RO60: variants seen among roughly 807,000 people sequenced by gnomAD.
RO60 encodes RNA-binding protein RO60.
Under a neutral mutation model 55.3 loss-of-function variants are expected in RO60, and 20 were observed. That is an observed-to-expected ratio of 0.36 (90% CI 0.25 to 0.53). RO60 has a LOEUF of 0.53. RO60 is among the 20% of genes least tolerant of loss of function. The pLI is 0.92. For missense variants in RO60, 558 were observed against 646.6 expected, an observed-to-expected ratio of 0.86 and a Z score of 1.49; for synonymous variants, 213 against 213.6, an observed-to-expected ratio of 1.00 and a Z score of 0.02.
rs1363237188 is a variant in RO60, at chr1:193,087,172, C to A, written c.*2441C>A. 6.6e-6 allele frequency: 1 copy of A among 152,040 alleles called. No homozygotes were observed. Among genetic ancestry groups the A allele is most frequent in the East Asian group, 1.9e-4 (1 of 5,192 alleles). 9.4% of individuals were successfully genotyped at this position (152,040 alleles called of 1,614,324 possible). On this transcript the variant is annotated 3_prime_UTR_variant, in exon 9 of 9. Transcript: ENST00000400968. ...GTATAATCTTGTAATTCATAGGAAT[C>A]CTCAAGCACAATTAACCTGTGTTGC...
chr1:193,072,068 A>C (rs918759292), intron 2 of RO60, among the ~76,000 whole-genome samples: 2 of 152,072 alleles, frequency 1.3e-5, no homozygotes, highest in South Asian at 4.1e-4. Context: ...CAATGGCACA[A>C]TCTAGGCTCA....
chr1:193,062,057 T>A, intron 1 of RO60, among the ~76,000 whole-genome samples: 1 of 152,132 alleles, frequency 6.6e-6, no homozygotes, highest in East Asian at 1.9e-4. Flanking sequence ...GAACTTAATT[T>A]ATAGAGATTT....
chr1:193,067,486 A>G (rs553695229), intron 1 of RO60, among the ~76,000 whole-genome samples: 1 of 151,556 alleles, frequency 6.6e-6, no homozygotes, highest in Non-Finnish European at 1.5e-5. Flanking sequence ...TGCCCGGCCC[A>G]AATTTTTTTT....
chr1:193,074,998 T>A (rs1250860872), intron 2 of RO60, among the ~76,000 whole-genome samples: 1 of 152,000 alleles, frequency 6.6e-6, no homozygotes, highest in Admixed American at 6.6e-5. Flanking sequence ...TGACCTCAGG[T>A]GATCCACACT....
Position 193,087,788 on chromosome 1 carries a change from C to T in RO60, c.*3057C>T, listed in dbSNP as rs182714337. On this transcript the variant is annotated 3_prime_UTR_variant, in exon 9 of 9. Coordinates refer to ENST00000400968, the MANE Select transcript of RO60 (RefSeq NM_001173524.2). Reference sequence around the variant, plus strand: ...TAAAAACATTCTTGTTAATAAGATACGTATTTCAAAAGATAAAATGTTTTA... The same window carrying T: ...TAAAAACATTCTTGTTAATAAGATATGTATTTCAAAAGATAAAATGTTTTA... The T allele has an allele frequency of 1.5e-4, 22 of 151,354 alleles. No homozygotes were observed. In the East Asian group the frequency reaches 1.9e-3, roughly 13 times the overall value. 9.4% of individuals were successfully genotyped at this position (151,354 alleles called of 1,614,324 possible). A position where few individuals can be genotyped will look rare whatever the true frequency, so the allele number is the denominator to read the frequency against.
chr1:193,078,026 T>G (rs1674050097), intron 5 of RO60, among the ~76,000 whole-genome samples: 2 of 152,016 alleles, frequency 1.3e-5, no homozygotes, highest in African/African-American at 4.8e-5. Context: ...GCAACCAAAG[T>G]CAGCAGCAAA....
intron 1 of RO60, among the ~76,000 whole-genome samples, chr1:193,065,807 A>G (rs1229206486): frequency 6.6e-6 from 1 of 152,146 alleles, no homozygotes; most frequent in African/African-American, 2.4e-5. Context: ...GCCACCTGAG[A>G]CCTAGGCTTC....
At position 193,091,015 on chromosome 1, in the gene RO60, A is replaced by G. The variant is rs1674836392; in HGVS notation, c.*6284A>G. On this transcript the variant is annotated 3_prime_UTR_variant, in exon 9 of 9. Transcript: ENST00000400968. ...ACATACATGACTGTTAACATCAGTAATATTTTATGATAGTTTAAGGTTTTT... is the reference window on the plus strand; with the variant it reads ...ACATACATGACTGTTAACATCAGTAGTATTTTATGATAGTTTAAGGTTTTT... The G allele has an allele frequency of 6.6e-6, 1 of 152,276 alleles. No individual in the cohort carries two copies. The highest frequency in any genetic ancestry group is 2.4e-5 in the African/African-American group (1 of 41,470). The allele number at this position is 152,276 out of a possible 1,614,324, so 9.4% of individuals were successfully genotyped here. A position where few individuals can be genotyped will look rare whatever the true frequency, so the allele number is the denominator to read the frequency against.
At chr1:193,079,892 C>T (rs888327635) in intron 5 of RO60, among the ~76,000 whole-genome samples, 2 of 150,854 alleles carry the variant, frequency 1.3e-5, no homozygotes, top group Non-Finnish European at 2.9e-5. Flanking sequence ...TTTGGGAGGC[C>T]GATAAGGGTT....
chr1:193,083,141 A>G (rs975421832), intron 8 of RO60, among the ~76,000 whole-genome samples: 2 of 152,226 alleles, frequency 1.3e-5, no homozygotes, highest in Non-Finnish European at 2.9e-5. Flanking sequence ...TTATAGACTC[A>G]GCAGTACTTA....
At chr1:193,060,181 G>C in intron 1 of RO60, 1 of 1,066,736 alleles carries the variant, frequency 9.4e-7, no homozygotes, top group Non-Finnish European at 1.2e-6. Flanking sequence ...TGGGAAGACA[G>C]GGTGAATTTA....
chr1:193,067,059 T>G (rs2103026953), intron 1 of RO60, among the ~76,000 whole-genome samples: 1 of 152,258 alleles, frequency 6.6e-6, no homozygotes, highest in East Asian at 1.9e-4. Context: ...TATTATTTTA[T>G]ACTCCCTTGC....
rs1674310586 is a variant in RO60, at chr1:193,081,479, T to C, written c.1202T>C (p.Met401Thr). The C allele has an allele frequency of 6.3e-7, 1 of 1,579,264 alleles. No homozygotes were observed. Among genetic ancestry groups the C allele is most frequent in the South Asian group, 1.1e-5 (1 of 88,308 alleles). ...NASTVAAAMCMVVTRTEKDSY... is the reference protein window; with the variant it reads ...NASTVAAAMCTVVTRTEKDSY... ...AGTACAGTTGCTGCAGCAATGTGCA[T>C]GGTGAGAACACCTAAGACAATTTTG... Residue 401 changes from methionine to threonine, a missense_variant and splice_region_variant, in exon 6 of 9, where the codon ATG becomes ACG. By Grantham distance (81) the Met-to-Thr change is moderately conservative (BLOSUM62 -1). Coordinates refer to ENST00000400968, the MANE Select transcript of RO60 (RefSeq NM_001173524.2).
At chr1:193,082,466 G>C in intron 7 of RO60, 96 bp from the exon 8 acceptor site, 4 of 1,427,044 alleles carry the variant, frequency 2.8e-6, no homozygotes, top group Non-Finnish European at 3.9e-6. Context: ...GCTTTGGGAA[G>C]GCTGTATATA....
intron 1 of RO60, among the ~76,000 whole-genome samples, chr1:193,065,672 AT>A (rs5779657): frequency 0.72 from 109,696 of 151,892 alleles, 39,868 homozygotes; most frequent in Middle Eastern, 0.77. Flanking sequence ...TAAAAGCCAA[AT>A]TTGAAAAGAG....
chr1:193,082,497 A>G, intron 7 of RO60, 65 bp from the exon 8 acceptor site: 1 of 1,547,118 alleles, frequency 6.5e-7, no homozygotes, highest in Non-Finnish European at 8.9e-7. Context: ...ACAAAATGAT[A>G]CTGTAAAAAC....
At position 193,076,624 on chromosome 1, in the gene RO60, T is replaced by G. The variant is rs1322758641; in HGVS notation, c.925T>G (p.Cys309Gly). 1 of 1,604,166 alleles carries G rather than the reference T, an allele frequency of 6.2e-7. No individual in the cohort carries two copies. Among genetic ancestry groups the G allele is most frequent in the Non-Finnish European group, 8.5e-7 (1 of 1,176,590 alleles). The change falls in exon 4 of 9, where the codon TGT becomes GGT. Residue 309 changes from cysteine to glycine, a missense_variant. By Grantham distance (159) the Cys-to-Gly change is radical. Transcript: ENST00000400968. Reference sequence around the variant, plus strand: ...AGTATCTTTAGTATGTGAAAAACTGTGTAATGAAAAACTATTAAAAAAGGT... The same window carrying G: ...AGTATCTTTAGTATGTGAAAAACTGGGTAATGAAAAACTATTAAAAAAGGT... ...SEVSLVCEKL[C>G]NEKLLKKARI...
At chr1:193,079,081 C>CTT (rs745317535) in intron 5 of RO60, among the ~76,000 whole-genome samples, 2,398 of 85,918 alleles carry the variant, frequency 0.028, 73 homozygotes, top group Non-Finnish European at 0.035. Flanking sequence ...GTTCAGTTGA[C>CTT]TTTTTTTTTT....
At chr1:193,061,444 T>A (rs1329845733) in intron 1 of RO60, among the ~76,000 whole-genome samples, 1 of 152,224 alleles carries the variant, frequency 6.6e-6, no homozygotes, top group Non-Finnish European at 1.5e-5. Context: ...AAGGCAGCAT[T>A]TTCAAATAAA....
Sources: gnomAD v4.1 joint callset for allele counts (sites outside exome capture counted in the v4.1 genomes callset) on GRCh38, gnomAD v4.1.1 for gene constraint, MANE v1.5 for transcripts, NCBI Gene and HGNC (gene_info 2026-07-23, HGNC 2026-07-21) for gene names.